NEXMIF: variants seen among roughly 807,000 people sequenced by gnomAD.
The protein encoded by NEXMIF is neurite extension and migration factor.
Under a neutral mutation model 62.1 loss-of-function variants are expected in NEXMIF, and 8 were observed. That is an observed-to-expected ratio of 0.13 (90% confidence interval 0.08 to 0.23). The LOEUF is 0.23. Among genes scored for constraint, NEXMIF ranks in the 10% least tolerant of loss-of-function variants. The probability of loss-of-function intolerance (pLI) is 1.00; values close to 1 mark genes in which losing one functional copy is unlikely to be tolerated. For synonymous variants in NEXMIF, 404 were observed against 416.6 expected, an observed-to-expected ratio of 0.97 and a Z score of 0.37; for missense variants, 976 against 1,113.3, an observed-to-expected ratio of 0.88 and a Z score of 1.75.
intron 1 of NEXMIF, among the ~76,000 whole-genome samples, chrX:74,897,497 G>T (rs969184767): frequency 2.7e-5 from 3 of 112,003 alleles, no homozygotes; most frequent in East Asian, 2.8e-4. Context: ...TCTAGTAGAA[G>T]AACTACCTTT....
At chrX:74,871,647 T>C (rs763337672) in intron 1 of NEXMIF, among the ~76,000 whole-genome samples, 1 of 111,051 alleles carries the variant, frequency 9.0e-6, no homozygotes, top group Admixed American at 9.6e-5. Flanking sequence ...TTCCTGAGGG[T>C]TACTCCATGC....
intron 1 of NEXMIF, among the ~76,000 whole-genome samples, chrX:74,843,197 C>T (rs182829475): frequency 3.6e-5 from 4 of 111,471 alleles, no homozygotes; most frequent in African/African-American, 6.5e-5. Flanking sequence ...TAGATTTTCT[C>T]GTTGAATTGA....
rs904136298 is a variant in NEXMIF at position 74,905,178 on chromosome X, A to AAAAAC, written c.-48+19700_-48+19704dup. ...TAAATTCCAAAACAAGATATTGGGT[A>AAAAAC]AAAACAAAACAAAACAAAACAAAAA... On this transcript the variant is annotated intron_variant, in intron 1 of 3. Transcript: ENST00000055682. Among the ~76,000 whole-genome samples the AAAAAC allele has an allele frequency of 2.7e-5, 3 of 112,322 alleles. No individual in the cohort carries two copies. The South Asian group carries it at 1.1e-3, about 41-fold the overall frequency.
chrX:74,826,323 G>C, intron 1 of NEXMIF, among the ~76,000 whole-genome samples: 1 of 111,992 alleles, frequency 8.9e-6, no homozygotes, highest in Non-Finnish European at 1.9e-5. Flanking sequence ...CTTTTGAAAA[G>C]TGTCTGTTCA....
At chrX:74,858,786 A>G (rs1279691952) in intron 1 of NEXMIF, among the ~76,000 whole-genome samples, 1 of 110,339 alleles carries the variant, frequency 9.1e-6, no homozygotes, top group Non-Finnish European at 1.9e-5. Context: ...GAAGAAATTC[A>G]GCACTCTATC....
chrX:74,884,488 T>A (rs1340875914), intron 1 of NEXMIF, among the ~76,000 whole-genome samples: 1 of 110,972 alleles, frequency 9.0e-6, no homozygotes, highest in Non-Finnish European at 1.9e-5. Context: ...AAGGCAGGGG[T>A]TGCAATCCTA....
intron 1 of NEXMIF, among the ~76,000 whole-genome samples, chrX:74,781,874 C>A (rs191249258): frequency 1.8e-4 from 20 of 112,156 alleles, no homozygotes; most frequent in African/African-American, 4.9e-4. Context: ...TTCCCTTTTA[C>A]CAGGGTGTGG....
At chrX:74,758,719 G>A (rs2080166792) in intron 1 of NEXMIF, among the ~76,000 whole-genome samples, 1 of 111,593 alleles carries the variant, frequency 9.0e-6, no homozygotes, top group African/African-American at 3.3e-5. Context: ...CTCTGTCCAT[G>A]TCCCTGCGAA....
rs1360555806 is a variant in NEXMIF at position 74,873,795 on chromosome X, C to A, written c.-48+51088G>T. Among the ~76,000 whole-genome samples, 3 of 111,763 alleles carry A rather than the reference C, an allele frequency of 2.7e-5. No individual in the cohort carries two copies. The East Asian group carries it at 8.4e-4, about 31-fold the overall frequency. On this transcript the variant is annotated intron_variant, in intron 1 of 3. Transcript: ENST00000055682. ...TTTGGCTGCATAAATGTCTTTTTTT[C>A]AGAAATGTCTGTTCATGTCCTTCAC...
intron 1 of NEXMIF, among the ~76,000 whole-genome samples, chrX:74,836,963 G>C (rs1227876557): frequency 9.0e-6 from 1 of 111,631 alleles, no homozygotes; most frequent in Admixed American, 9.5e-5. Flanking sequence ...AGAGAGTGGA[G>C]TTCTGACTGA....
intron 1 of NEXMIF, among the ~76,000 whole-genome samples, chrX:74,849,825 T>C (rs1036126171): frequency 8.9e-6 from 1 of 112,352 alleles, no homozygotes; most frequent in African/African-American, 3.2e-5. Context: ...GTAGTGACTC[T>C]GAGGACAGGC....
chrX:74,893,510 T>C (rs995762044), intron 1 of NEXMIF, among the ~76,000 whole-genome samples: 2 of 112,185 alleles, frequency 1.8e-5, no homozygotes, highest in African/African-American at 6.5e-5. Context: ...AAACAAGCCA[T>C]TTTATTTTGT....
chrX:74,820,703 C>T (rs777977599), intron 1 of NEXMIF, among the ~76,000 whole-genome samples: 2 of 111,935 alleles, frequency 1.8e-5, no homozygotes, highest in East Asian at 2.8e-4. Flanking sequence ...TTTGCAGCAA[C>T]GTGGATGCAG....
chrX:74,750,618 C>T (rs1329011245), intron 1 of NEXMIF, among the ~76,000 whole-genome samples: 1 of 111,671 alleles, frequency 9.0e-6, no homozygotes, highest in Non-Finnish European at 1.9e-5. Context: ...CTGATTCTTC[C>T]CAGTCTAGCT....
chrX:74,796,740 C>G (rs2080313263), intron 1 of NEXMIF, among the ~76,000 whole-genome samples: 1 of 110,882 alleles, frequency 9.0e-6, no homozygotes, highest in South Asian at 3.7e-4. Context: ...AAATATTAGC[C>G]CACATATACA....
At chrX:74,866,695 C>T (rs1027248754) in intron 1 of NEXMIF, among the ~76,000 whole-genome samples, 5 of 112,399 alleles carry the variant, frequency 4.4e-5, no homozygotes, top group Non-Finnish European at 7.5e-5. Flanking sequence ...TTTTACCATG[C>T]TGTTCTCATG....
intron 1 of NEXMIF, among the ~76,000 whole-genome samples, chrX:74,778,627 T>G (rs762110514): frequency 4.5e-5 from 5 of 112,090 alleles, no homozygotes; most frequent in Non-Finnish European, 7.5e-5. Flanking sequence ...TAAGTAACTT[T>G]CTCAGAGTGA....
At chrX:74,895,049 T>C (rs766806881) in intron 1 of NEXMIF, among the ~76,000 whole-genome samples, 1 of 112,588 alleles carries the variant, frequency 8.9e-6, no homozygotes, top group Non-Finnish European at 1.9e-5. Context: ...CTTGTTTGCA[T>C]ATGATATCAT....
At chrX:74,799,859 CTCTTG>C (rs1197285125) in intron 1 of NEXMIF, among the ~76,000 whole-genome samples, 1 of 111,417 alleles carries the variant, frequency 9.0e-6, no homozygotes, top group Admixed American at 9.5e-5. Flanking sequence ...ATAAACACCT[CTCTTG>C]TTAAGTACCT....
Sources: allele counts gnomAD v4.1 joint callset (sites outside exome capture counted in the v4.1 genomes callset), GRCh38; gene constraint gnomAD v4.1.1; transcripts MANE v1.5; gene names NCBI Gene and HGNC (gene_info 2026-07-23, HGNC 2026-07-21).